OR9Q1: variants seen among roughly 807,000 people sequenced by gnomAD.
OR9Q1 encodes the protein olfactory receptor 9Q1.
For missense variants in OR9Q1, 374 were observed against 378.8 expected (o/e 0.99, Z 0.11); for synonymous variants, 153 against 148.6 (o/e 1.03, Z -0.22).
At chr11:58,098,937 A>G (rs1022260885) in intron 2 of OR9Q1, among the ~76,000 whole-genome samples, 1 of 151,982 alleles carries the variant, frequency 6.6e-6, no homozygotes, top group African/African-American at 2.4e-5. Context: ...ATTCCTATGC[A>G]TGGTTTATTC....
chr11:58,056,470 C>T lies in OR9Q1; in HGVS notation c.-15+523C>T, dbSNP rs368979630. On this transcript the variant is annotated intron_variant, in intron 2 of 2. Transcript: ENST00000335397. ...ATGTGTGAATTAATAATGACTTTTACATTTTTAAGTAGTTGAAAAAAATTA... is the reference window on the plus strand; with the variant it reads ...ATGTGTGAATTAATAATGACTTTTATATTTTTAAGTAGTTGAAAAAAATTA... Among the ~76,000 whole-genome samples, 6 of 152,152 alleles carry T rather than the reference C, an allele frequency of 3.9e-5. No individual in the cohort carries two copies. In the East Asian group the frequency reaches 1.2e-3, roughly 29 times the overall value.
At chr11:58,067,199 T>A (rs1461400122) in intron 2 of OR9Q1, among the ~76,000 whole-genome samples, 1 of 152,004 alleles carries the variant, frequency 6.6e-6, no homozygotes, top group Non-Finnish European at 1.5e-5. Flanking sequence ...GCCTGGCTAA[T>A]TTTTTTGTGT....
intron 2 of OR9Q1, among the ~76,000 whole-genome samples, chr11:58,095,197 A>G (rs1853718587): frequency 3.3e-5 from 5 of 152,162 alleles, no homozygotes. Context: ...TTTTCTGCAC[A>G]TTTTTCATTT....
intron 2 of OR9Q1, among the ~76,000 whole-genome samples, chr11:58,128,254 T>TAAAAA (rs56238213): frequency 7.9e-6 from 1 of 126,240 alleles, no homozygotes; most frequent in African/African-American, 3.0e-5. Flanking sequence ...CAAGAAAAAC[T>TAAAAA]AAAAAAAAAA....
chr11:58,070,167 A>G (rs1203356803), intron 2 of OR9Q1, among the ~76,000 whole-genome samples: 1 of 147,894 alleles, frequency 6.8e-6, no homozygotes, highest in African/African-American at 2.5e-5. Context: ...ATGCCTGCAT[A>G]ATTTTTGTAT....
intron 2 of OR9Q1, among the ~76,000 whole-genome samples, chr11:58,106,159 C>CT (rs34637003): frequency 0.55 from 79,914 of 144,304 alleles, 22,723 homozygotes; most frequent in South Asian, 0.73. Context: ...CATTTGCTAT[C>CT]TTTTTTTTTT....
intron 1 of OR9Q1, among the ~76,000 whole-genome samples, chr11:58,035,073 G>A (rs1367148277): frequency 2.0e-5 from 3 of 151,916 alleles, no homozygotes; most frequent in African/African-American, 4.8e-5. Context: ...CAAGCGATCT[G>A]CCACCTTGGC....
chr11:58,170,376 T>C (rs1233833969), intron 2 of OR9Q1, among the ~76,000 whole-genome samples: 1 of 152,132 alleles, frequency 6.6e-6, no homozygotes, highest in African/African-American at 2.4e-5. Flanking sequence ...GCAGATTTTA[T>C]GCCCAATGGT....
intron 2 of OR9Q1, among the ~76,000 whole-genome samples, chr11:58,093,281 A>T (rs1853700665): frequency 6.6e-6 from 1 of 152,192 alleles, no homozygotes; most frequent in Admixed American, 6.5e-5. Context: ...CAGAGGACTA[A>T]TATCCAGAAT....
intron 1 of OR9Q1, among the ~76,000 whole-genome samples, chr11:58,034,221 G>T (rs1241169890): frequency 6.6e-6 from 1 of 151,396 alleles, no homozygotes; most frequent in Non-Finnish European, 1.5e-5. Context: ...GAGTAGCTAG[G>T]ACTACAGGGG....
intron 2 of OR9Q1, among the ~76,000 whole-genome samples, chr11:58,149,711 A>G (rs1375794249): frequency 6.6e-6 from 1 of 152,136 alleles, no homozygotes. Flanking sequence ...GAATCATATA[A>G]TATTTGTGTT....
chr11:58,075,935 C>T (rs764580085), intron 2 of OR9Q1, among the ~76,000 whole-genome samples: 1 of 152,196 alleles, frequency 6.6e-6, no homozygotes, highest in African/African-American at 2.4e-5. Flanking sequence ...TGCATTAACT[C>T]AGGGATCAAC....
chr11:58,159,971 G>A (rs969381229), intron 2 of OR9Q1, among the ~76,000 whole-genome samples: 2 of 152,194 alleles, frequency 1.3e-5, no homozygotes, highest in Admixed American at 1.3e-4. Context: ...CCAGTAAAAT[G>A]TTGCAGAAAT....
chr11:58,143,333 G>T (rs182519367), intron 2 of OR9Q1, among the ~76,000 whole-genome samples: 172 of 152,274 alleles, frequency 1.1e-3, no homozygotes, highest in African/African-American at 3.8e-3. Context: ...AAGGTCTGAA[G>T]GTATTCAAAC....
chr11:58,080,201 G>A (rs190651111), intron 2 of OR9Q1, among the ~76,000 whole-genome samples: 34 of 152,076 alleles, frequency 2.2e-4, no homozygotes, highest in Non-Finnish European at 1.6e-4. Flanking sequence ...GTCCATGTGT[G>A]CTCAATGTTT....
At chr11:58,118,309 GA>G (rs1590599807) in intron 2 of OR9Q1, 2 of 534,482 alleles carry the variant, frequency 3.7e-6, no homozygotes, top group East Asian at 5.9e-5. Flanking sequence ...GGAAGAAGGG[GA>G]TAAGAAGAAA....
At chr11:58,146,891 G>A (rs1854304032) in intron 2 of OR9Q1, among the ~76,000 whole-genome samples, 1 of 152,228 alleles carries the variant, frequency 6.6e-6, no homozygotes, top group Non-Finnish European at 1.5e-5. Context: ...GAATTCCATA[G>A]AAACTGTCAC....
intron 2 of OR9Q1, chr11:58,118,977 G>A (rs1853992803): frequency 1.2e-6 from 2 of 1,613,894 alleles, no homozygotes; most frequent in Non-Finnish European, 1.7e-6. Context: ...TACGCAGGAT[G>A]GCTCCTGACA....
At chr11:58,099,784 T>C (rs1245149282) in intron 2 of OR9Q1, among the ~76,000 whole-genome samples, 1 of 152,210 alleles carries the variant, frequency 6.6e-6, no homozygotes, top group Non-Finnish European at 1.5e-5. Flanking sequence ...CTCTTTGTTT[T>C]CTTGTTTCTC....
Sources: gnomAD v4.1 joint callset for allele counts (sites outside exome capture counted in the v4.1 genomes callset) on GRCh38, gnomAD v4.1.1 for gene constraint, MANE v1.5 for transcripts, NCBI Gene and HGNC (gene_info 2026-07-23, HGNC 2026-07-21) for gene names.